The following IQGAP1 variants were observed in gnomAD, a reference collection of about 807,000 sequenced individuals.
The protein encoded by IQGAP1 is ras GTPase-activating-like protein IQGAP1.
Under a neutral mutation model 215.6 loss-of-function variants are expected in IQGAP1, and 66 were observed. The ratio of observed to expected loss-of-function variants is 0.31; its 90% CI spans 0.25 to 0.38. IQGAP1 has a LOEUF of 0.38. Among genes scored for constraint, IQGAP1 ranks in the 10% least tolerant of loss-of-function variants. The pLI is 1.00. For synonymous variants in IQGAP1, 772 were observed against 728.7 expected (o/e 1.06, Z -0.96); for missense variants, 1,712 against 1,997.1 (o/e 0.86, Z 2.72).
At chr15:90,474,202 A>C in intron 22 of IQGAP1, 69 bp downstream of exon 22, 11 of 1,356,612 alleles carry the variant, frequency 8.1e-6, no homozygotes, top group Non-Finnish European at 1.1e-5. Flanking sequence ...GGTATTCTCC[A>C]CAGACCTCTT....
chr15:90,428,787 G>A (rs563404170), intron 3 of IQGAP1, among the ~76,000 whole-genome samples: 26 of 152,134 alleles, frequency 1.7e-4, no homozygotes, highest in African/African-American at 5.5e-4. Flanking sequence ...ACAAAGTGGA[G>A]CCCTGTTTCA....
At chr15:90,393,336 G>T (rs1278658003) in intron 2 of IQGAP1, among the ~76,000 whole-genome samples, 2 of 152,004 alleles carry the variant, frequency 1.3e-5, no homozygotes, top group African/African-American at 4.8e-5. Flanking sequence ...AACATCTCTA[G>T]ATTACTTATC....
At chr15:90,466,486 AT>A (rs753127533) in intron 17 of IQGAP1, 50 bp downstream of exon 17, 1 of 1,566,038 alleles carries the variant, frequency 6.4e-7, no homozygotes, top group South Asian at 1.1e-5. Flanking sequence ...CCTTGAGTAT[AT>A]GAGGGGACAG....
At chr15:90,474,400 A>C in intron 22 of IQGAP1, 85 bp from the exon 23 acceptor site, 2 of 1,076,326 alleles carry the variant, frequency 1.9e-6, no homozygotes, top group Non-Finnish European at 2.9e-6. Context: ...GTTTATGAAT[A>C]GACTACTTTT....
chr15:90,481,847 C>G, intron 26 of IQGAP1, 113 bp from the exon 27 acceptor site: 1 of 1,137,808 alleles, frequency 8.8e-7, no homozygotes, highest in Admixed American at 2.2e-5. Context: ...TGAGGATGAG[C>G]TTAAGCTATC....
At chr15:90,488,440 A>C (rs75101163) in intron 33 of IQGAP1, among the ~76,000 whole-genome samples, 3,848 of 152,082 alleles carry the variant, frequency 0.025, 131 homozygotes, top group African/African-American at 0.084. Context: ...GGTTGGTTGA[A>C]ACCATGAATG....
intron 2 of IQGAP1, among the ~76,000 whole-genome samples, chr15:90,395,562 C>T (rs903090085): frequency 2.6e-5 from 4 of 152,290 alleles, no homozygotes; most frequent in African/African-American, 9.6e-5. Flanking sequence ...CCTCGTGATC[C>T]GCCCGCCTTG....
In IQGAP1 at chr15:90,474,587, G is replaced by A. The variant is rs550231448; in HGVS notation, c.2678G>A (p.Arg893Gln). The A allele has an allele frequency of 5.9e-5, 95 of 1,613,946 alleles. No homozygotes were observed. The highest frequency in any genetic ancestry group is 7.4e-5 in the Non-Finnish European group (87 of 1,179,876). The change falls in exon 23 of 38, where the codon CGG (arginine) becomes CAG (glutamine). Residue 893 changes from arginine to glutamine, a missense_variant. Physicochemically the swap from Arg to Gln is conservative, Grantham distance 43. This residue lies in a region of IQGAP1 where 1,021 missense variants were observed against 1,074.2 expected (regional missense o/e 0.95). Coordinates refer to ENST00000268182, the MANE Select transcript of IQGAP1 (RefSeq NM_003870.4). ...FQEELDLMKM[R>Q]EEVITLIRSN... The stretch of plus-strand genomic sequence containing the variant: ...GAGGAGCTTGACCTTATGAAGATGC[G>A]GGAAGAGGTTATCACCCTCATTCGT...
intron 33 of IQGAP1, 87 bp downstream of exon 33, chr15:90,487,669 A>T: frequency 1.1e-6 from 1 of 880,818 alleles, no homozygotes; most frequent in Non-Finnish European, 1.8e-6. Flanking sequence ...GGAGACACAA[A>T]TAACAGTTGG....
In IQGAP1 at chr15:90,474,480, G is replaced by A. The variant is rs763945414; in HGVS notation, c.2576-5G>A. On this transcript the variant is annotated splice_polypyrimidine_tract_variant and splice_region_variant and intron_variant, in intron 22 of 37. Coordinates refer to ENST00000268182, the MANE Select transcript of IQGAP1 (RefSeq NM_003870.4). ...CTCCATTCTTTGATGCATACTTTCTGTCAGTCAATGCTGAGGATCCTCCTA... is the reference window on the plus strand; with the variant it reads ...CTCCATTCTTTGATGCATACTTTCTATCAGTCAATGCTGAGGATCCTCCTA... 2 of 1,611,166 alleles carry A rather than the reference G, an allele frequency of 1.2e-6. No homozygotes were observed. Among genetic ancestry groups the A allele is most frequent in the Non-Finnish European group, 1.7e-6 (2 of 1,177,468 alleles).
chr15:90,491,342 C>T lies in IQGAP1; in HGVS notation c.4258C>T (p.His1420Tyr), dbSNP rs1299496166. 1 of 1,613,868 alleles carries T rather than the reference C, an allele frequency of 6.2e-7. No homozygotes were observed. Among genetic ancestry groups the T allele is most frequent in the Non-Finnish European group, 8.5e-7 (1 of 1,179,882 alleles). The change falls in exon 34 of 38, where the codon CAT (histidine) becomes TAT (tyrosine). Residue 1420 changes from histidine to tyrosine, a missense_variant. This residue lies in a region of IQGAP1 where 691 missense variants were observed against 923.0 expected (regional missense o/e 0.75). Coordinates refer to ENST00000268182, the MANE Select transcript of IQGAP1 (RefSeq NM_003870.4). Reference protein sequence around the residue: ...TPATSEQEAEHQRAMQRRAIR... With the variant: ...TPATSEQEAEYQRAMQRRAIR... Reference sequence around the variant, plus strand: ...TTTTTCCCATCCGTAGGAAGCAGAACATCAGAGAGCCATGCAGAGACGTGC... The same window carrying T: ...TTTTTCCCATCCGTAGGAAGCAGAATATCAGAGAGCCATGCAGAGACGTGC...
chr15:90,482,190 C>T lies in IQGAP1; in HGVS notation c.3471-7C>T. 2 of 1,614,182 alleles carry T rather than the reference C, an allele frequency of 1.2e-6. No individual in the cohort carries two copies. The highest frequency in any genetic ancestry group is 1.7e-6 in the Non-Finnish European group (2 of 1,180,032). ...GCCCTTCTCACTAAGTTTTGTCCAT[C>T]CCGCAGTTATGGGATGCGCTTCATT... On this transcript the variant is annotated splice_polypyrimidine_tract_variant and splice_region_variant and intron_variant, in intron 27 of 37. Transcript: ENST00000268182.
chr15:90,445,310 A>G (rs1372403918), intron 9 of IQGAP1, among the ~76,000 whole-genome samples: 1 of 151,926 alleles, frequency 6.6e-6, no homozygotes, highest in Non-Finnish European at 1.5e-5. Context: ...TACTCAATGA[A>G]CATTAATATT....
chr15:90,471,544 G>C (rs1418089788), intron 18 of IQGAP1, among the ~76,000 whole-genome samples: 1 of 150,466 alleles, frequency 6.6e-6, no homozygotes, highest in Non-Finnish European at 1.5e-5. Flanking sequence ...TTGTTGCCCA[G>C]GCTGGAATGC....
chr15:90,498,064 A>G (rs1262241989), intron 37 of IQGAP1, among the ~76,000 whole-genome samples: 1 of 144,582 alleles, frequency 6.9e-6, no homozygotes, highest in East Asian at 2.0e-4. Context: ...CTGCCTCCCA[A>G]CCCCGCCCCT....
At chr15:90,401,951 G>A (rs1220498510) in intron 2 of IQGAP1, among the ~76,000 whole-genome samples, 1 of 152,174 alleles carries the variant, frequency 6.6e-6, no homozygotes, top group Non-Finnish European at 1.5e-5. Flanking sequence ...CTTTTCCCAA[G>A]GTCATATATT....
At position 90,443,375 on chromosome 15, in the gene IQGAP1, G is replaced by A. The variant is rs771185226; in HGVS notation, c.829-19G>A. On this transcript the variant is annotated intron_variant, in intron 8 of 37. Coordinates refer to ENST00000268182, the MANE Select transcript of IQGAP1 (RefSeq NM_003870.4). ...AGACACCTTAAGCTAACTTAATTAC[G>A]CTTTTTACTCATCCTCAGACAGAAA... is the stretch of plus-strand genomic sequence containing the variant. The A allele has an allele frequency of 8.3e-6, 13 of 1,561,740 alleles. No individual in the cohort carries two copies. The highest frequency in any genetic ancestry group is 1.4e-5 in the African/African-American group (1 of 73,756).
At chr15:90,424,066 T>C (rs1015317918) in intron 2 of IQGAP1, among the ~76,000 whole-genome samples, 1 of 152,080 alleles carries the variant, frequency 6.6e-6, no homozygotes, top group Non-Finnish European at 1.5e-5. Flanking sequence ...TGAGGGCCAT[T>C]TTTGGCTTAG....
At chr15:90,443,178 C>G (rs1965476535) in intron 8 of IQGAP1, among the ~76,000 whole-genome samples, 1 of 152,140 alleles carries the variant, frequency 6.6e-6, no homozygotes, top group Non-Finnish European at 1.5e-5. Context: ...CCAGGCTGAT[C>G]TCAAACTCTT....
Sources: gnomAD v4.1 joint callset for allele counts (sites outside exome capture counted in the v4.1 genomes callset) on GRCh38, gnomAD v4.1.1 for gene constraint, gnomAD v4.1.1 regional missense constraint, MANE v1.5 for transcripts, NCBI Gene and HGNC (gene_info 2026-07-23, HGNC 2026-07-21) for gene names.